The following PTPRQ variants were observed in gnomAD, a reference collection of about 807,000 sequenced individuals.
PTPRQ encodes the protein phosphatidylinositol phosphatase PTPRQ.
A neutral mutation model predicts 246.0 loss-of-function variants in PTPRQ; 199 were observed. That is an observed-to-expected ratio of 0.81 (90% CI 0.72 to 0.91). The LOEUF (loss-of-function observed/expected upper bound fraction) is 0.91. Among genes scored for constraint, PTPRQ ranks in the 40% least tolerant of loss-of-function variants. The pLI is 0.00. For missense variants in PTPRQ, 2,624 were observed against 2,528.4 expected (o/e 1.04, Z -0.81); for synonymous variants, 869 against 853.2 (o/e 1.02, Z -0.32).
intron 32 of PTPRQ, 22 bp downstream of exon 32, chr12:80,620,398 C>T (rs1054700895): frequency 1.9e-6 from 3 of 1,545,540 alleles, no homozygotes; most frequent in Admixed American, 4.0e-5. Context: ...TTATATCTAC[C>T]ATGCATTCTG....
At chr12:80,513,043 C>A (rs1895170473) in intron 17 of PTPRQ, among the ~76,000 whole-genome samples, 1 of 152,106 alleles carries the variant, frequency 6.6e-6, no homozygotes, top group African/African-American at 2.4e-5. Context: ...ATGTTTACAG[C>A]TGAAACCCCA....
chr12:80,588,733 G>A lies in PTPRQ; in HGVS notation c.4609+281G>A, dbSNP rs141973679. Among the ~76,000 whole-genome samples the A allele has an allele frequency of 1.3e-3, 198 of 152,228 alleles. 1 individual carries two copies. Among genetic ancestry groups the A allele is most frequent in the African/African-American group, 4.6e-3 (193 of 41,536 alleles). Reference sequence around the variant, plus strand: ...GCATTGTGGGAAGCTACTCTGATGCGCTACCATTAAACCATACTGATTATT... The same window carrying A: ...GCATTGTGGGAAGCTACTCTGATGCACTACCATTAAACCATACTGATTATT... On this transcript the variant is annotated intron_variant, in intron 26 of 44. Coordinates refer to ENST00000644991, the MANE Select transcript of PTPRQ (RefSeq NM_001145026.2).
At position 80,588,171 on chromosome 12, in the gene PTPRQ, C is replaced by A; in HGVS notation, c.4328C>A (p.Ser1443Ter). The A allele has an allele frequency of 6.5e-7, 1 of 1,543,068 alleles. No homozygotes were observed. Among genetic ancestry groups the A allele is most frequent in the Admixed American group, 2.0e-5 (1 of 50,008 alleles). Residue 1443 changes from serine (S) to a stop codon, truncating the protein, a stop_gained, in exon 26 of 45, where the codon TCA becomes TAA. Transcript: ENST00000644991. LOFTEE classifies it high-confidence loss of function. ...PTNIAFSDVQ[S>*]TSATLTWIRP... is the part of the protein sequence containing the mutation. ...AATATTGCTTTTTCTGATGTTCAGT[C>A]AACTAGTGCAACATTGACATGGATA... is the stretch of plus-strand genomic sequence containing the variant.
intron 8 of PTPRQ, among the ~76,000 whole-genome samples, chr12:80,478,066 C>A (rs1239115194): frequency 6.6e-6 from 1 of 152,192 alleles, no homozygotes; most frequent in Non-Finnish European, 1.5e-5. Context: ...TAGGCTCCAC[C>A]TCTGGGGGCA....
At chr12:80,591,987 T>C (rs1051157696) in intron 26 of PTPRQ, among the ~76,000 whole-genome samples, 2 of 152,184 alleles carry the variant, frequency 1.3e-5, no homozygotes, top group East Asian at 1.9e-4. Context: ...AGTTCAGAAG[T>C]TGGTAAATGA....
chr12:80,525,713 G>A (rs1221601169), intron 17 of PTPRQ, among the ~76,000 whole-genome samples: 2 of 151,696 alleles, frequency 1.3e-5, no homozygotes, highest in East Asian at 3.9e-4. Context: ...CTTACTCTGT[G>A]TATGTGTATG....
chr12:80,446,237 T>G (rs1892549404), intron 3 of PTPRQ, among the ~76,000 whole-genome samples: 1 of 151,592 alleles, frequency 6.6e-6, no homozygotes, highest in Non-Finnish European at 1.5e-5. Flanking sequence ...TTTTTTTTTT[T>G]TTTGGTGCTT....
chr12:80,613,992 ATTAC>A (rs1282648637), intron 29 of PTPRQ, among the ~76,000 whole-genome samples, 156 bp downstream of exon 29: 1 of 150,758 alleles, frequency 6.6e-6, no homozygotes, highest in Non-Finnish European at 1.5e-5. Flanking sequence ...GAGAACTGAA[ATTAC>A]CTATTTTCTG....
chr12:80,630,034 T>A (rs894513023), intron 33 of PTPRQ, among the ~76,000 whole-genome samples: 2 of 152,192 alleles, frequency 1.3e-5, no homozygotes, highest in African/African-American at 4.8e-5. Context: ...CTCTAATAAG[T>A]ACATTTTTAT....
intron 16 of PTPRQ, among the ~76,000 whole-genome samples, chr12:80,507,067 C>A (rs1024075492): frequency 3.3e-5 from 5 of 151,910 alleles, no homozygotes; most frequent in Admixed American, 1.3e-4. Flanking sequence ...AAATGTTCAG[C>A]ACTTTTTTAC....
At chr12:80,666,356 T>C (rs1900786219) in intron 39 of PTPRQ, among the ~76,000 whole-genome samples, 1 of 151,882 alleles carries the variant, frequency 6.6e-6, no homozygotes, top group Non-Finnish European at 1.5e-5. Context: ...ATGCAGAGGC[T>C]GAAAAAGTTG....
intron 35 of PTPRQ, among the ~76,000 whole-genome samples, chr12:80,635,496 T>A (rs996322944): frequency 5.9e-5 from 9 of 152,132 alleles, no homozygotes; most frequent in African/African-American, 1.7e-4. Flanking sequence ...AGCTTTTTAA[T>A]AACTATTTCA....
intron 14 of PTPRQ, 145 bp from the exon 15 acceptor site, chr12:80,505,879 C>T (rs571946577): frequency 3.1e-6 from 3 of 971,990 alleles, no homozygotes; most frequent in African/African-American, 1.7e-5. Context: ...TTTATTTATA[C>T]TTTACTTCAT....
chr12:80,525,045 G>T (rs1895640253), intron 17 of PTPRQ, among the ~76,000 whole-genome samples: 1 of 152,044 alleles, frequency 6.6e-6, no homozygotes, highest in African/African-American at 2.4e-5. Context: ...AAAATTATTG[G>T]CTTAATATTG....
chr12:80,669,490 G>T, intron 41 of PTPRQ, 26 bp downstream of exon 41: 1 of 1,525,168 alleles, frequency 6.6e-7, no homozygotes, highest in Non-Finnish European at 8.8e-7. Flanking sequence ...GGGGACGAGA[G>T]AACATGATAT....
At chr12:80,606,749 T>C (rs1898338225) in intron 27 of PTPRQ, among the ~76,000 whole-genome samples, 1 of 151,024 alleles carries the variant, frequency 6.6e-6, no homozygotes, top group South Asian at 2.1e-4. Flanking sequence ...ATTGTTGATG[T>C]ATTTGTTCTC....
At chr12:80,497,273 G>A (rs755736776) in intron 14 of PTPRQ, among the ~76,000 whole-genome samples, 24 of 151,760 alleles carry the variant, frequency 1.6e-4, no homozygotes, top group Non-Finnish European at 3.1e-4. Context: ...TATCTGGGGG[G>A]TAATGGGAGA....
chr12:80,629,467 G>C (rs1281506665), intron 33 of PTPRQ, among the ~76,000 whole-genome samples: 17 of 152,186 alleles, frequency 1.1e-4, no homozygotes, highest in Admixed American at 1.1e-3. Flanking sequence ...TTTGCAGGCA[G>C]AGGAAGAAGC....
At chr12:80,615,316 A>G (rs970237485) in intron 29 of PTPRQ, among the ~76,000 whole-genome samples, 140 of 151,162 alleles carry the variant, frequency 9.3e-4, no homozygotes, top group African/African-American at 3.2e-3. Context: ...AACTCAATAA[A>G]AACATTTTAA....
Sources: gnomAD v4.1 joint callset for allele counts (sites outside exome capture counted in the v4.1 genomes callset) on GRCh38, gnomAD v4.1.1 for gene constraint, MANE v1.5 for transcripts, NCBI Gene and HGNC (gene_info 2026-07-23, HGNC 2026-07-21) for gene names.